Variants in CAMK1D observed in about 807,000 individuals in gnomAD.
CAMK1D encodes the protein calcium/calmodulin dependent protein kinase ID.
CAMK1D carries 9 observed loss-of-function variants against 47.7 expected under a neutral mutation model. The observed-to-expected ratio is 0.19, with a 90% CI of 0.11 to 0.33. The LOEUF (loss-of-function observed/expected upper bound fraction) is 0.33. CAMK1D is among the 10% of genes least tolerant of loss of function. CAMK1D has a pLI of 1.00. For synonymous variants in CAMK1D, 184 were observed against 184.9 expected, an observed-to-expected ratio of 0.99 and a Z score of 0.04; for missense variants, 291 against 488.7, an observed-to-expected ratio of 0.60 and a Z score of 3.81.
Position 12,540,739 on chromosome 10 carries a change from A to G in CAMK1D, c.93-12486A>G, listed in dbSNP as rs140490116. ...ATGGTTCTTGAAGCTATTATGCAGG[A>G]TTGCTTATCATTGTGGAATTCACCA... On this transcript the variant is annotated intron_variant, in intron 1 of 10. Transcript: ENST00000619168. 7.9e-4 allele frequency among the ~76,000 whole-genome samples: 120 copies of G among 152,290 alleles called. 1 individual carries two copies. The highest frequency in any genetic ancestry group is 3.4e-3 in the Middle Eastern group (1 of 294).
At chr10:12,676,498 T>C (rs1468300644) in intron 3 of CAMK1D, among the ~76,000 whole-genome samples, 3 of 152,236 alleles carry the variant, frequency 2.0e-5, no homozygotes, top group African/African-American at 4.8e-5. Flanking sequence ...TTTCACGTTA[T>C]GCTAGGCGCT....
chr10:12,512,037 A>G (rs1835056923), intron 1 of CAMK1D, among the ~76,000 whole-genome samples: 1 of 152,216 alleles, frequency 6.6e-6, no homozygotes, highest in Non-Finnish European at 1.5e-5. Flanking sequence ...GTTGTTGGAA[A>G]GGTGCAAATG....
At chr10:12,763,081 C>T (rs944398263) in intron 4 of CAMK1D, among the ~76,000 whole-genome samples, 2 of 152,172 alleles carry the variant, frequency 1.3e-5, no homozygotes, top group Non-Finnish European at 2.9e-5. Context: ...AATTAACCTA[C>T]GTAATGCTTT....
rs1271882010 is a variant in CAMK1D at position 12,833,276 on chromosome 10, A to T, written c.*4389A>T. ...CCTGGATGAATCGTAGGTGGGAGGG[A>T]CAGAAGCCGAGAACACCAGGCACAC... On this transcript the variant is annotated 3_prime_UTR_variant, in exon 11 of 11. Coordinates refer to ENST00000619168, the MANE Select transcript of CAMK1D (RefSeq NM_153498.4). 6.6e-6 allele frequency: 1 copy of T among 152,432 alleles called. No homozygotes were observed. Among genetic ancestry groups the T allele is most frequent in the Admixed American group, 6.5e-5 (1 of 15,274 alleles). The allele number at this position is 152,432 out of a possible 1,614,324, so 9.4% of individuals were successfully genotyped here. A position where few individuals can be genotyped will look rare whatever the true frequency, so the allele number is the denominator to read the frequency against.
chr10:12,728,839 A>G (rs994486414), intron 3 of CAMK1D, among the ~76,000 whole-genome samples: 1 of 152,192 alleles, frequency 6.6e-6, no homozygotes, highest in Non-Finnish European at 1.5e-5. Flanking sequence ...GTGCGCACGC[A>G]CACGTGCCTC....
intron 1 of CAMK1D, among the ~76,000 whole-genome samples, chr10:12,530,794 C>T (rs927577383): frequency 1.1e-4 from 16 of 152,122 alleles, no homozygotes; most frequent in Non-Finnish European, 2.1e-4. Context: ...TGGTGGCTCA[C>T]GCCTGTAATC....
intron 1 of CAMK1D, among the ~76,000 whole-genome samples, chr10:12,456,825 A>C (rs1251381159): frequency 3.3e-5 from 5 of 149,650 alleles, no homozygotes; most frequent in Non-Finnish European, 7.4e-5. Context: ...AGTACTTTTA[A>C]ACAACCCTAC....
chr10:12,683,651 T>C (rs1433145095), intron 3 of CAMK1D, among the ~76,000 whole-genome samples: 1 of 152,072 alleles, frequency 6.6e-6, no homozygotes, highest in African/African-American at 2.4e-5. Flanking sequence ...ATTGTTTTAG[T>C]AATTTCGCAT....
chr10:12,608,251 T>C (rs76339252), intron 2 of CAMK1D, among the ~76,000 whole-genome samples: 10,496 of 152,186 alleles, frequency 0.069, 816 homozygotes, highest in East Asian at 0.22. Context: ...GAACCCCATC[T>C]CTATTAAAAA....
chr10:12,804,147 C>T (rs2131044884), intron 6 of CAMK1D, among the ~76,000 whole-genome samples: 1 of 152,290 alleles, frequency 6.6e-6, no homozygotes, highest in South Asian at 2.1e-4. Flanking sequence ...GCAAAAATAA[C>T]TGAAAAAGTA....
chr10:12,635,769 C>T (rs1008258661), intron 2 of CAMK1D, among the ~76,000 whole-genome samples: 4 of 146,654 alleles, frequency 2.7e-5, no homozygotes, highest in African/African-American at 5.0e-5. Flanking sequence ...ATGATTAATT[C>T]TTTTCTTCCT....
At chr10:12,540,520 C>T (rs11257876) in intron 1 of CAMK1D, among the ~76,000 whole-genome samples, 7,102 of 152,142 alleles carry the variant, frequency 0.047, 334 homozygotes, top group East Asian at 0.12. Flanking sequence ...GACTTAGTGC[C>T]GCAGAAACAC....
intron 1 of CAMK1D, among the ~76,000 whole-genome samples, chr10:12,533,954 TC>T (rs1211708513): frequency 6.6e-6 from 1 of 152,132 alleles, no homozygotes; most frequent in Non-Finnish European, 1.5e-5. Context: ...CCAGGACGTC[TC>T]CTGGGCAAGG....
chr10:12,554,755 G>T (rs958336672), intron 2 of CAMK1D, among the ~76,000 whole-genome samples: 2 of 151,954 alleles, frequency 1.3e-5, no homozygotes, highest in East Asian at 3.9e-4. Context: ...TGTTGCCCAG[G>T]CTGGTCTTGA....
chr10:12,610,489 G>A (rs1399587596), intron 2 of CAMK1D, among the ~76,000 whole-genome samples: 3 of 152,108 alleles, frequency 2.0e-5, no homozygotes, highest in Non-Finnish European at 4.4e-5. Context: ...CCATGTTACC[G>A]TGAAGAAGCT....
chr10:12,703,639 C>G (rs1833614716), intron 3 of CAMK1D, among the ~76,000 whole-genome samples: 1 of 152,174 alleles, frequency 6.6e-6, no homozygotes. Context: ...GAGGCCAAGG[C>G]AGGTGGGTCA....
chr10:12,493,310 T>TG (rs1488583597), intron 1 of CAMK1D, among the ~76,000 whole-genome samples: 2 of 152,120 alleles, frequency 1.3e-5, no homozygotes, highest in Non-Finnish European at 2.9e-5. Context: ...ACAGGGCTCC[T>TG]GGGGAGATGT....
chr10:12,376,269 A>G (rs974849390), intron 1 of CAMK1D, among the ~76,000 whole-genome samples: 9 of 151,044 alleles, frequency 6.0e-5, no homozygotes, highest in African/African-American at 2.0e-4. Context: ...CGGGGCCTTT[A>G]CCCCATCACC....
chr10:12,816,347 TCAG>T lies in CAMK1D; in HGVS notation c.833+23_833+25del, dbSNP rs1832791316. 6.2e-7 allele frequency: 1 copy of T among 1,608,056 alleles called. No homozygotes were observed. Among genetic ancestry groups the T allele is most frequent in the East Asian group, 2.2e-5 (1 of 44,754 alleles). On this transcript the variant is annotated intron_variant, in intron 8 of 10. Coordinates refer to ENST00000619168, the MANE Select transcript of CAMK1D (RefSeq NM_153498.4). ...ACCCATGGTAAGGAAATGCACCCGCTCAGCAGACCGTGCCATTTAATGCCATCT... is the reference window on the plus strand; with the variant it reads ...ACCCATGGTAAGGAAATGCACCCGCTCAGACCGTGCCATTTAATGCCATCT...
Sources: allele counts gnomAD v4.1 joint callset (sites outside exome capture counted in the v4.1 genomes callset), GRCh38; gene constraint gnomAD v4.1.1; transcripts MANE v1.5; gene names NCBI Gene and HGNC (gene_info 2026-07-23, HGNC 2026-07-21).